The following ACCSL variants were observed in gnomAD, a reference collection of about 807,000 sequenced individuals.
ACCSL encodes the protein probable inactive 1-aminocyclopropane-1-carboxylate synthase-like protein 2.
Under a neutral mutation model 61.7 loss-of-function variants are expected in ACCSL, and 55 were observed. That is an observed-to-expected ratio of 0.89 (90% CI 0.72 to 1.12). The LOEUF is 1.12. Among genes scored for constraint, ACCSL ranks in the 50% most tolerant of loss-of-function variants. ACCSL has a pLI of 0.00. For missense variants in ACCSL, 632 were observed against 698.0 expected (o/e 0.91, Z 1.07); for synonymous variants, 258 against 264.3 (o/e 0.98, Z 0.23).
chr11:44,034,329 C>T, the ACCSL span, among the ~76,000 whole-genome samples: 2 of 152,148 alleles, frequency 1.3e-5, no homozygotes, highest in Non-Finnish European at 2.9e-5. Flanking sequence ...TTTGACATGG[C>T]CCCTGGCTGA....
intron 8 of ACCSL, 103 bp downstream of exon 8, chr11:44,053,609 T>A: frequency 9.2e-7 from 1 of 1,082,116 alleles, no homozygotes; most frequent in Non-Finnish European, 1.4e-6. Flanking sequence ...ATGCCTGTAA[T>A]CCCAGCACTT....
chr11:44,011,916 T>C, the ACCSL span, among the ~76,000 whole-genome samples: 2 of 152,224 alleles, frequency 1.3e-5, no homozygotes, highest in African/African-American at 4.8e-5. Context: ...TAGAGCCTTA[T>C]TTGAAGTATT....
the ACCSL span, among the ~76,000 whole-genome samples, chr11:44,024,218 G>A: frequency 6.6e-6 from 1 of 152,194 alleles, no homozygotes; most frequent in African/African-American, 2.4e-5. Context: ...ACTTGAGCTG[G>A]CACATCAGTT....
chr11:43,949,819 AAAAC>A, the ACCSL span, among the ~76,000 whole-genome samples: 180 of 127,590 alleles, frequency 1.4e-3, no homozygotes, highest in African/African-American at 4.6e-3. Flanking sequence ...CATCTCAAAA[AAAAC>A]AAACAAACAA....
the ACCSL span, among the ~76,000 whole-genome samples, chr11:43,982,985 A>G: frequency 1.3e-5 from 2 of 152,172 alleles, no homozygotes; most frequent in Admixed American, 1.3e-4. Flanking sequence ...GCCCCTAGTC[A>G]GTCAGCCTTG....
chr11:43,967,178 T>TTA, the ACCSL span, among the ~76,000 whole-genome samples: 40 of 126,998 alleles, frequency 3.1e-4, no homozygotes, highest in Non-Finnish European at 5.8e-4. Flanking sequence ...TTTTTTTTTT[T>TTA]TTTTTTTTTT....
rs1285876842 is a variant in ACCSL at position 44,058,215 on chromosome 11, A to G, written c.1328-102A>G. On this transcript the variant is annotated intron_variant, in intron 11 of 13. Transcript: ENST00000378832. ...ACAGACAAACAAAACAAAAACAAAC[A>G]AACAAACTTGCATGAAGCCCAGGAA... 1.7e-5 allele frequency: 23 copies of G among 1,367,898 alleles called. No homozygotes were observed. The East Asian group carries it at 5.4e-4, about 32-fold the overall frequency. 84.7% of individuals were successfully genotyped at this position (1,367,898 alleles called of 1,614,324 possible). A position where few individuals can be genotyped will look rare whatever the true frequency, so the allele number is the denominator to read the frequency against.
At chr11:43,930,427 T>C in the ACCSL span, among the ~76,000 whole-genome samples, 1 of 152,158 alleles carries the variant, frequency 6.6e-6, no homozygotes, top group Non-Finnish European at 1.5e-5. Flanking sequence ...GTTTGGATCA[T>C]GGGGGTGGAT....
chr11:44,018,270 C>G, the ACCSL span, among the ~76,000 whole-genome samples: 1 of 152,214 alleles, frequency 6.6e-6, no homozygotes, highest in African/African-American at 2.4e-5. Flanking sequence ...AGGCAGACGA[C>G]TCAGCCAGAC....
At chr11:44,042,703 C>T in the ACCSL span, among the ~76,000 whole-genome samples, 1 of 151,464 alleles carries the variant, frequency 6.6e-6, no homozygotes, top group Admixed American at 6.6e-5. Flanking sequence ...CTTTTTTCTA[C>T]TATAAAATAA....
At chr11:43,943,286 G>C in the ACCSL span, 31 of 1,477,016 alleles carry the variant, frequency 2.1e-5, no homozygotes, top group Non-Finnish European at 2.8e-5. The surrounding 1 kb of genome is among the most constrained non-coding windows in gnomAD (Gnocchi z 4.8). Context: ...GGCGCCGCCC[G>C]CGGGGGGGAC....
chr11:44,022,881 G>A, the ACCSL span, among the ~76,000 whole-genome samples: 1 of 151,780 alleles, frequency 6.6e-6, no homozygotes, highest in Admixed American at 6.6e-5. Context: ...CTCCTTTTCT[G>A]TTTTTGGAAG....
chr11:43,942,586 C>A, the ACCSL span: 1 of 314,654 alleles, frequency 3.2e-6, no homozygotes, highest in Non-Finnish European at 6.3e-6. Context: ...AGCTCAGAGC[C>A]GTGTGGGCAG....
the ACCSL span, among the ~76,000 whole-genome samples, chr11:44,004,342 G>A: frequency 2.0e-5 from 3 of 151,928 alleles, no homozygotes; most frequent in Non-Finnish European, 4.4e-5. Flanking sequence ...GCTCACCCCC[G>A]CATACCGCCC....
the ACCSL span, among the ~76,000 whole-genome samples, chr11:44,018,148 G>A: frequency 7.9e-5 from 12 of 152,096 alleles, no homozygotes; most frequent in African/African-American, 2.2e-4. Flanking sequence ...GCCCCAGTGG[G>A]GGAAGGAACT....
chr11:43,941,200 G>A, the ACCSL span, among the ~76,000 whole-genome samples: 5 of 152,220 alleles, frequency 3.3e-5, no homozygotes, highest in African/African-American at 7.2e-5. Context: ...TCCTGGTCCC[G>A]TGCTCTAAGC....
At chr11:43,994,359 A>G in the ACCSL span, among the ~76,000 whole-genome samples, 1 of 152,226 alleles carries the variant, frequency 6.6e-6, no homozygotes, top group Non-Finnish European at 1.5e-5. Context: ...TGTTATGTTC[A>G]TGGAAATTCT....
the ACCSL span, among the ~76,000 whole-genome samples, chr11:44,035,936 T>TAAAAAA: frequency 1.1e-4 from 9 of 79,066 alleles, no homozygotes; most frequent in African/African-American, 1.5e-4. Context: ...AGACTCTGTG[T>TAAAAAA]AAAAAAAAAA....
the ACCSL span, among the ~76,000 whole-genome samples, chr11:43,968,704 C>T: frequency 6.6e-6 from 1 of 152,140 alleles, no homozygotes; most frequent in Non-Finnish European, 1.5e-5. Context: ...TGCTTTTACC[C>T]TCAACTTAGT....
Sources: gnomAD v4.1 joint callset for allele counts (sites outside exome capture counted in the v4.1 genomes callset) on GRCh38, gnomAD v4.1.1 for gene constraint, Gnocchi (gnomAD v3.1) non-coding constraint, MANE v1.5 for transcripts, NCBI Gene and HGNC (gene_info 2026-07-23, HGNC 2026-07-21) for gene names.